Variants in ULK4 observed in about 807,000 individuals in gnomAD.
ULK4 encodes unc-51 like kinase 4.
ULK4 carries 133 observed loss-of-function variants against 160.6 expected under a neutral mutation model. The observed-to-expected ratio is 0.83, with a 90% CI of 0.72 to 0.96. The LOEUF is 0.96. Among genes scored for constraint, ULK4 ranks in the 40% least tolerant of loss-of-function variants. ULK4 has a pLI of 0.00. For missense variants in ULK4, 1,580 were observed against 1,499.5 expected (o/e 1.05, Z -0.89); for synonymous variants, 534 against 539.8 (o/e 0.99, Z 0.15).
chr3:41,589,307 T>C (rs1311956181), intron 31 of ULK4, among the ~76,000 whole-genome samples: 3 of 151,226 alleles, frequency 2.0e-5, no homozygotes, highest in Non-Finnish European at 4.4e-5. Flanking sequence ...TTTGAGGTGG[T>C]AGAATTCCAG....
intron 35 of ULK4, among the ~76,000 whole-genome samples, chr3:41,316,989 A>G (rs180893318): frequency 2.0e-4 from 31 of 152,052 alleles, no homozygotes; most frequent in African/African-American, 7.0e-4. Flanking sequence ...CATATTTTCT[A>G]AAAACATTAG....
intron 22 of ULK4, among the ~76,000 whole-genome samples, chr3:41,751,573 A>G (rs1575649690): frequency 6.6e-6 from 1 of 152,166 alleles, no homozygotes; most frequent in African/African-American, 2.4e-5. Flanking sequence ...TCAGACCACT[A>G]TGTTCCCACC....
intron 5 of ULK4, among the ~76,000 whole-genome samples, chr3:41,929,035 A>T (rs943657277): frequency 6.9e-6 from 1 of 144,938 alleles, no homozygotes; most frequent in South Asian, 2.1e-4. Context: ...CGGAGATATT[A>T]AAAAAAAAAA....
intron 32 of ULK4, among the ~76,000 whole-genome samples, chr3:41,501,026 G>T (rs2085184741): frequency 6.6e-6 from 1 of 152,036 alleles, no homozygotes; most frequent in Admixed American, 6.6e-5. Context: ...AGACCTCAGG[G>T]CGATACAAAT....
chr3:41,573,339 AT>A (rs11359795), intron 31 of ULK4, among the ~76,000 whole-genome samples: 41,729 of 152,106 alleles, frequency 0.27, 6,152 homozygotes, highest in African/African-American at 0.38. Context: ...CTCGTGAAAA[AT>A]GACCAGCCTT....
intron 35 of ULK4, among the ~76,000 whole-genome samples, chr3:41,370,498 C>G (rs992126121): frequency 6.6e-6 from 1 of 152,108 alleles, no homozygotes; most frequent in Non-Finnish European, 1.5e-5. Context: ...GTGCGTACAG[C>G]CCACGGAGCA....
At chr3:41,328,383 G>A (rs929635194) in intron 35 of ULK4, among the ~76,000 whole-genome samples, 3 of 152,088 alleles carry the variant, frequency 2.0e-5, no homozygotes, top group Non-Finnish European at 4.4e-5. Context: ...TCTGACCAAC[G>A]CATTTTCAGA....
chr3:41,471,195 G>T (rs186644893), intron 32 of ULK4, among the ~76,000 whole-genome samples: 1 of 152,022 alleles, frequency 6.6e-6, no homozygotes, highest in Non-Finnish European at 1.5e-5. Context: ...AGGGCAGAGA[G>T]ACTTCTATTT....
At chr3:41,478,627 T>C (rs2084214529) in intron 32 of ULK4, among the ~76,000 whole-genome samples, 1 of 152,202 alleles carries the variant, frequency 6.6e-6, no homozygotes, top group South Asian at 2.1e-4. Flanking sequence ...AGTTACATAC[T>C]TGAGAGTGAA....
At chr3:41,281,210 T>C (rs1458386882) in intron 35 of ULK4, among the ~76,000 whole-genome samples, 1 of 152,168 alleles carries the variant, frequency 6.6e-6, no homozygotes. Flanking sequence ...CATACCAGAA[T>C]TCTACTAGAG....
intron 30 of ULK4, among the ~76,000 whole-genome samples, chr3:41,618,938 A>G (rs2033111767): frequency 6.6e-6 from 1 of 152,058 alleles, no homozygotes; most frequent in African/African-American, 2.4e-5. Flanking sequence ...ATATTTACCA[A>G]GCAAATGAAA....
At chr3:41,675,077 T>C (rs1254687552) in intron 29 of ULK4, among the ~76,000 whole-genome samples, 2 of 151,518 alleles carry the variant, frequency 1.3e-5, no homozygotes, top group African/African-American at 4.9e-5. Context: ...CCGTATCTAC[T>C]AAAAATACAA....
chr3:41,736,554 G>A (rs1261537258), intron 22 of ULK4, among the ~76,000 whole-genome samples: 1 of 151,830 alleles, frequency 6.6e-6, no homozygotes, highest in Non-Finnish European at 1.5e-5. Context: ...GTTTTTCCTT[G>A]TAAACTTGTT....
intron 21 of ULK4, among the ~76,000 whole-genome samples, chr3:41,758,405 G>A (rs1247656728): frequency 6.6e-6 from 1 of 152,120 alleles, no homozygotes; most frequent in African/African-American, 2.4e-5. Flanking sequence ...AGCATTTATA[G>A]ACATCAAAAA....
At chr3:41,611,416 G>A (rs1261561522) in intron 31 of ULK4, among the ~76,000 whole-genome samples, 2 of 152,162 alleles carry the variant, frequency 1.3e-5, no homozygotes, top group Non-Finnish European at 2.9e-5. Context: ...TGAAGCTAGA[G>A]CTCAGGATTA....
At chr3:41,417,626 T>A (rs925492155) in intron 34 of ULK4, among the ~76,000 whole-genome samples, 1 of 152,110 alleles carries the variant, frequency 6.6e-6, no homozygotes, top group African/African-American at 2.4e-5. Flanking sequence ...CTGTTACTTT[T>A]TGAGGTATAC....
chr3:41,402,196 T>G (rs566720189), intron 34 of ULK4, among the ~76,000 whole-genome samples: 14 of 152,360 alleles, frequency 9.2e-5, no homozygotes, highest in African/African-American at 3.4e-4. Flanking sequence ...GAATTTTGTT[T>G]ATTGATCTTG....
intron 18 of ULK4, among the ~76,000 whole-genome samples, chr3:41,822,660 C>A (rs964732967): frequency 6.6e-6 from 1 of 151,160 alleles, no homozygotes; most frequent in African/African-American, 2.4e-5. Context: ...CTCAGGTGAT[C>A]CACCCGCCTC....
chr3:41,788,487 A>G (rs149946355), intron 21 of ULK4, among the ~76,000 whole-genome samples: 18,807 of 152,140 alleles, frequency 0.12, 1,345 homozygotes, highest in Middle Eastern at 0.27. Context: ...GATCGAGACC[A>G]TCCTGGCTAA....
Sources: gnomAD v4.1 joint callset for allele counts (sites outside exome capture counted in the v4.1 genomes callset) on GRCh38, gnomAD v4.1.1 for gene constraint, MANE v1.5 for transcripts, NCBI Gene and HGNC (gene_info 2026-07-23, HGNC 2026-07-21) for gene names.